Variants in PJA2 observed in about 807,000 individuals in gnomAD.
PJA2 encodes the protein E3 ubiquitin-protein ligase Praja-2.
A neutral mutation model predicts 69.3 loss-of-function variants in PJA2; 25 were observed. The observed-to-expected ratio is 0.36, with a 90% confidence interval of 0.26 to 0.50. The LOEUF (loss-of-function observed/expected upper bound fraction) is 0.50, where lower values mean the gene tolerates loss of function less well. PJA2 is among the 20% of genes least tolerant of loss of function. PJA2 has a pLI of 0.96. For missense variants in PJA2, 809 were observed against 830.2 expected, an observed-to-expected ratio of 0.97 and a Z score of 0.31; for synonymous variants, 308 against 277.8, an observed-to-expected ratio of 1.11 and a Z score of -1.08.
At chr5:109,370,738 A>C (rs1489180294) in intron 4 of PJA2, among the ~76,000 whole-genome samples, 12 of 152,212 alleles carry the variant, frequency 7.9e-5, no homozygotes, top group Admixed American at 7.2e-4. Flanking sequence ...ACCTTCTAAA[A>C]TTCAAAGCTA....
chr5:109,393,539 GAGGGTGACT>G (rs1747329805), intron 1 of PJA2, among the ~76,000 whole-genome samples: 2 of 151,560 alleles, frequency 1.3e-5, no homozygotes, highest in South Asian at 4.2e-4. Context: ...GCAGGCTGTT[GAGGGTGACT>G]GCCCTAGCCC....
At chr5:109,369,399 A>G (rs1285627196) in intron 4 of PJA2, among the ~76,000 whole-genome samples, 2 of 152,234 alleles carry the variant, frequency 1.3e-5, no homozygotes, top group Non-Finnish European at 2.9e-5. Flanking sequence ...ACTTTTTCTT[A>G]CACTACATCC....
chr5:109,397,987 T>C (rs1747457155), intron 1 of PJA2, among the ~76,000 whole-genome samples: 1 of 151,954 alleles, frequency 6.6e-6, no homozygotes, highest in Non-Finnish European at 1.5e-5. Context: ...AAAAAGTGGG[T>C]GAAGGATAGG....
intron 1 of PJA2, among the ~76,000 whole-genome samples, chr5:109,394,343 C>T (rs1747355979): frequency 6.6e-6 from 1 of 152,138 alleles, no homozygotes; most frequent in South Asian, 2.1e-4. Context: ...CCGCCATGCC[C>T]AGCCACATGC....
intron 3 of PJA2, 145 bp from the exon 4 acceptor site, chr5:109,379,399 C>G: frequency 1.6e-6 from 1 of 639,122 alleles, no homozygotes. Context: ...TTCTATGCTC[C>G]TTAACTGAGA....
chr5:109,361,911 C>G (rs1210342839), intron 6 of PJA2, among the ~76,000 whole-genome samples: 2 of 152,160 alleles, frequency 1.3e-5, no homozygotes, highest in Non-Finnish European at 2.9e-5. Context: ...TGGAGAAGTA[C>G]AGAGAAGTAG....
At position 109,345,064 on chromosome 5, in the gene PJA2, C is replaced by T. The variant is rs535293096; in HGVS notation, c.1765-245G>A. ...AAATAAAAATATACCTTGTCTCGGC[C>T]GGGCGCAATGGCTCATGCCTGTAAT... is the stretch of plus-strand genomic sequence containing the variant. On this transcript the variant is annotated intron_variant, in intron 7 of 9. Transcript: ENST00000361189. 1.3e-3 allele frequency among the ~76,000 whole-genome samples: 193 copies of T among 151,426 alleles called. 1 individual carries two copies. Among genetic ancestry groups the T allele is most frequent in the Admixed American group, 2.8e-3 (43 of 15,168 alleles).
rs1318582725 is a variant in PJA2 at position 109,355,910 on chromosome 5, C to G, written c.1764+5G>C. ...TATATATGGAGATCAGAGTTATGAA[C>G]ATACCTCCATAGCCTGGGCTAAGCG... On this transcript the variant is annotated splice_donor_5th_base_variant and intron_variant, in intron 7 of 9. Transcript: ENST00000361189. 6.3e-7 allele frequency: 1 copy of G among 1,597,806 alleles called. No homozygotes were observed. Among genetic ancestry groups the G allele is most frequent in the Non-Finnish European group, 8.6e-7 (1 of 1,166,906 alleles).
intron 5 of PJA2, among the ~76,000 whole-genome samples, chr5:109,363,806 T>G (rs1379958051): frequency 6.6e-6 from 1 of 151,786 alleles, no homozygotes; most frequent in African/African-American, 2.4e-5. Flanking sequence ...ATGGTACAGA[T>G]CAAGAAAATA....
At chr5:109,347,866 T>C (rs1762194414) in intron 7 of PJA2, among the ~76,000 whole-genome samples, 1 of 152,248 alleles carries the variant, frequency 6.6e-6, no homozygotes, top group Admixed American at 6.5e-5. Flanking sequence ...GCAGTTAATA[T>C]TTACAGTAAA....
intron 9 of PJA2, 79 bp from the exon 10 acceptor site, chr5:109,337,435 G>C: frequency 7.0e-7 from 1 of 1,433,850 alleles, no homozygotes; most frequent in East Asian, 2.6e-5. Context: ...AAAAAACAGT[G>C]TCATTATCCT....
intron 1 of PJA2, among the ~76,000 whole-genome samples, chr5:109,400,624 T>G (rs915335351): frequency 6.6e-6 from 1 of 151,988 alleles, no homozygotes; most frequent in Non-Finnish European, 1.5e-5. Context: ...GCAGTATAAA[T>G]ACAAAACACA....
intron 4 of PJA2, among the ~76,000 whole-genome samples, chr5:109,375,001 C>T (rs777696466): frequency 5.3e-5 from 8 of 152,166 alleles, no homozygotes; most frequent in Non-Finnish European, 7.4e-5. Context: ...CCTTGGAATC[C>T]TAATTTAATA....
At chr5:109,374,618 T>C (rs1005526848) in intron 4 of PJA2, among the ~76,000 whole-genome samples, 1 of 152,234 alleles carries the variant, frequency 6.6e-6, no homozygotes, top group Non-Finnish European at 1.5e-5. Context: ...ATATATCATA[T>C]TGAAGTCAAC....
At chr5:109,408,615 T>C (rs1747749704) in intron 1 of PJA2, among the ~76,000 whole-genome samples, 1 of 152,186 alleles carries the variant, frequency 6.6e-6, no homozygotes, top group South Asian at 2.1e-4. Flanking sequence ...CACTAAACTG[T>C]CAACTTTACA....
At chr5:109,386,251 A>G (rs1747154035) in intron 1 of PJA2, among the ~76,000 whole-genome samples, 1 of 152,240 alleles carries the variant, frequency 6.6e-6, no homozygotes, top group African/African-American at 2.4e-5. Context: ...AAGTGTGAAC[A>G]CCAAGTGAAG....
At chr5:109,388,107 C>T (rs911040870) in intron 1 of PJA2, among the ~76,000 whole-genome samples, 3 of 152,024 alleles carry the variant, frequency 2.0e-5, no homozygotes, top group African/African-American at 7.2e-5. Flanking sequence ...GTGTGATGTG[C>T]AAGAATAGGG....
intron 2 of PJA2, 35 bp from the exon 3 acceptor site, chr5:109,381,738 G>A (rs757204819): frequency 1.9e-6 from 3 of 1,587,142 alleles, no homozygotes; most frequent in African/African-American, 2.7e-5. Context: ...AACAGGAACA[G>A]CAATGAGCTT....
chr5:109,346,761 A>T (rs1459762963), intron 7 of PJA2, among the ~76,000 whole-genome samples: 1 of 152,224 alleles, frequency 6.6e-6, no homozygotes, highest in Non-Finnish European at 1.5e-5. Context: ...AAAGATGGGA[A>T]AATGGGGAGT....
Sources: allele counts gnomAD v4.1 joint callset (sites outside exome capture counted in the v4.1 genomes callset), GRCh38; gene constraint gnomAD v4.1.1; transcripts MANE v1.5; gene names NCBI Gene and HGNC (gene_info 2026-07-23, HGNC 2026-07-21).